The following ZNF778 variants were observed in gnomAD, a reference collection of about 807,000 sequenced individuals.
The protein encoded by ZNF778 is zinc finger protein 778.
ZNF778 carries 37 observed loss-of-function variants against 23.9 expected under a neutral mutation model. The ratio of observed to expected loss-of-function variants is 1.54; its 90% CI spans 1.19 to 2.03. The LOEUF is 2.03. Ranked by LOEUF, ZNF778 falls within the 30% of genes most tolerant of loss-of-function variation. The pLI, the probability that ZNF778 is intolerant of heterozygous loss-of-function variation, is 0.00. For synonymous variants in ZNF778, 483 were observed against 343.9 expected (o/e 1.40, Z -4.48); for missense variants, 1,297 against 934.4 (o/e 1.39, Z -5.06).
chr16:89,233,848 T>A lies in ZNF778; in HGVS notation c.*5286T>A. ...GTTGCAAGTACTTATTTCCGGCCAC[T>A]TCCTTTTTCTAACTACCACACCAAG... On this transcript the variant is annotated 3_prime_UTR_variant, in exon 7 of 7. Coordinates refer to ENST00000433976, the MANE Select transcript of ZNF778 (RefSeq NM_001201407.2). The A allele has an allele frequency of 7.8e-7, 1 of 1,290,214 alleles. No individual in the cohort carries two copies. The highest frequency in any genetic ancestry group is 1.0e-6 in the Non-Finnish European group (1 of 989,384). The allele number at this position is 1,290,214 out of a possible 1,614,324, so 79.9% of individuals were successfully genotyped here.
intron 1 of ZNF778, among the ~76,000 whole-genome samples, chr16:89,219,181 C>T (rs2030670676): frequency 6.7e-6 from 1 of 149,770 alleles, no homozygotes; most frequent in African/African-American, 2.5e-5. Context: ...GGATTCTCAA[C>T]ATTTTTCCAA....
chr16:89,232,854 A>G lies in ZNF778; in HGVS notation c.*4292A>G. On this transcript the variant is annotated 3_prime_UTR_variant, in exon 7 of 7. Transcript: ENST00000433976. The stretch of plus-strand genomic sequence containing the variant: ...ATATGCAACTCAACTCACACCGTGT[A>G]TGCAAATCAACTCGCACTGCGTATG... 1 of 1,289,132 alleles carries G rather than the reference A, an allele frequency of 7.8e-7. No individual in the cohort carries two copies. Among genetic ancestry groups the G allele is most frequent in the South Asian group, 1.2e-5 (1 of 80,976 alleles). The allele number at this position is 1,289,132 out of a possible 1,614,324, so 79.9% of individuals were successfully genotyped here.
Position 89,227,485 on chromosome 16 carries a change from A to G in ZNF778, c.1197A>G (p.Gly399=), listed in dbSNP as rs192620319. The G allele has an allele frequency of 3.1e-6, 5 of 1,613,346 alleles. No homozygotes were observed. The East Asian group carries it at 6.7e-5, about 22-fold the overall frequency. ...AGCCCTTTGCATGTGTGGTTTGCGG[A>G]AAATATTTTAGAAATTCCTCATGCC... ...REKPFACVVC[G]KYFRNSSCLN... is the part of the protein sequence containing the mutation. The change falls in exon 7 of 7, where the codon GGA becomes GGG. Residue 399 remains glycine (G), a synonymous_variant. Transcript: ENST00000433976.
Position 89,221,167 on chromosome 16 carries a change from G to T in ZNF778, c.25+15G>T. 6.4e-7 allele frequency: 1 copy of T among 1,556,334 alleles called. No individual in the cohort carries two copies. ...CCTGGCCCACGGTAAGTCCTGGTGG[G>T]GCTCCTTCTCAGAGCCTCTGCTCTA... On this transcript the variant is annotated intron_variant, in intron 2 of 6. Transcript: ENST00000433976.
intron 3 of ZNF778, 123 bp from the exon 4 acceptor site, chr16:89,223,033 TG>T: frequency 8.3e-7 from 1 of 1,204,240 alleles, no homozygotes; most frequent in Non-Finnish European, 1.1e-6. Flanking sequence ...CTGGGACCAC[TG>T]GGCCATGGGG....
chr16:89,227,853 A>G lies in ZNF778; in HGVS notation c.1565A>G (p.Lys522Arg). ...KAFTGRSGLT[K>R]HMRTHTGEKP... Reference sequence around the variant, plus strand: ...TTCACAGGGCGCTCAGGCCTCACTAAACACATGCGGACACACACCGGGGAG... The same window carrying G: ...TTCACAGGGCGCTCAGGCCTCACTAGACACATGCGGACACACACCGGGGAG... The change falls in exon 7 of 7, where the codon AAA becomes AGA. Residue 522 changes from lysine (K) to arginine (R), a missense_variant. By Grantham distance (26) the Lys-to-Arg change is conservative (BLOSUM62 2). Transcript: ENST00000433976. The G allele has an allele frequency of 6.2e-7, 1 of 1,614,074 alleles. No individual in the cohort carries two copies. Among genetic ancestry groups the G allele is most frequent in the Non-Finnish European group, 8.5e-7 (1 of 1,180,000 alleles).
In ZNF778 at chr16:89,221,136, C is replaced by A. The variant is rs781161459; in HGVS notation, c.9C>A (p.Ala3=). The change falls in exon 2 of 7, where the codon GCC becomes GCA. Residue 3 remains alanine, a synonymous_variant. Transcript: ENST00000433976. MA[A]PDLAHGGHVS... ...TCCGTCAGCCTCCCAGGATGGCAGC[C>A]CCTGACCTGGCCCACGGTAAGTCCT... 5 of 1,567,538 alleles carry A rather than the reference C, an allele frequency of 3.2e-6. No individual in the cohort carries two copies. Among genetic ancestry groups the A allele is most frequent in the South Asian group, 1.2e-5 (1 of 85,074 alleles).
In ZNF778 at chr16:89,228,369, T is replaced by A. The variant is rs1185117404; in HGVS notation, c.2081T>A (p.Ile694Asn). Residue 694 changes from isoleucine (I) to asparagine (N), a missense_variant, in exon 7 of 7, where the codon ATT (isoleucine) becomes AAT (asparagine). Physicochemically the swap from Ile to Asn is moderately radical, Grantham distance 149 (BLOSUM62 -3). Coordinates refer to ENST00000433976, the MANE Select transcript of ZNF778 (RefSeq NM_001201407.2). ...ASSHLHKHGR[I>N]HTGQKPYKCK... ...TCTCACCTGCATAAACATGGAAGAATTCACACTGGGCAGAAACCCTATAAA... is the reference window on the plus strand; with the variant it reads ...TCTCACCTGCATAAACATGGAAGAAATCACACTGGGCAGAAACCCTATAAA... 4 of 1,613,512 alleles carry A rather than the reference T, an allele frequency of 2.5e-6. No individual in the cohort carries two copies. Among genetic ancestry groups the A allele is most frequent in the Non-Finnish European group, 3.4e-6 (4 of 1,179,732 alleles).
rs74488981 is a variant in ZNF778, at chr16:89,233,046, G to C, written c.*4484G>C. 23 of 1,258,586 alleles carry C rather than the reference G, an allele frequency of 1.8e-5. 1 individual carries two copies. The African/African-American group carries it at 3.8e-4, about 21-fold the overall frequency. The allele number at this position is 1,258,586 out of a possible 1,614,324, so 78.0% of individuals were successfully genotyped here. ...CAAGTCGCACTGCGTATGCAACTCA[G>C]CTCGCTCTGCGTATGCAACTCAGCT... On this transcript the variant is annotated 3_prime_UTR_variant, in exon 7 of 7. Coordinates refer to ENST00000433976, the MANE Select transcript of ZNF778 (RefSeq NM_001201407.2).
rs1255172271 is a variant in ZNF778 at position 89,232,705 on chromosome 16, C to G, written c.*4143C>G. 2.4e-6 allele frequency: 3 copies of G among 1,265,794 alleles called. No homozygotes were observed. Among genetic ancestry groups the G allele is most frequent in the Non-Finnish European group, 3.1e-6 (3 of 974,136 alleles). 78.4% of individuals were successfully genotyped at this position (1,265,794 alleles called of 1,614,324 possible). A position where few individuals can be genotyped will look rare whatever the true frequency, so the allele number is the denominator to read the frequency against. On this transcript the variant is annotated 3_prime_UTR_variant, in exon 7 of 7. Coordinates refer to ENST00000433976, the MANE Select transcript of ZNF778 (RefSeq NM_001201407.2). Reference sequence around the variant, plus strand: ...GGTCTTGCTGTGGGGGCTAGACCGTCCCTCTCAGGCTAGATCATTCCTAAA... The same window carrying G: ...GGTCTTGCTGTGGGGGCTAGACCGTGCCTCTCAGGCTAGATCATTCCTAAA...
In ZNF778 at chr16:89,232,966, T is replaced by G; in HGVS notation, c.*4404T>G. 2 of 1,264,076 alleles carry G rather than the reference T, an allele frequency of 1.6e-6. No homozygotes were observed. Among genetic ancestry groups the G allele is most frequent in the Admixed American group, 2.4e-5 (1 of 41,568 alleles). The allele number at this position is 1,264,076 out of a possible 1,614,324, so 78.3% of individuals were successfully genotyped here. A position where few individuals can be genotyped will look rare whatever the true frequency, so the allele number is the denominator to read the frequency against. ...CCTATGCAACTCAGCTCGCTCTGCG[T>G]ATGCAACTGAGCTCGCTCTGCGTAT... On this transcript the variant is annotated 3_prime_UTR_variant, in exon 7 of 7. Transcript: ENST00000433976.
chr16:89,222,370 CT>C (rs869288841), intron 3 of ZNF778, among the ~76,000 whole-genome samples, 187 bp downstream of exon 3: 35 of 148,104 alleles, frequency 2.4e-4, no homozygotes, highest in African/African-American at 2.9e-4. Context: ...TTCAGTGTTA[CT>C]TTTTTTTTTT....
intron 5 of ZNF778, among the ~76,000 whole-genome samples, chr16:89,225,169 G>T (rs1186608241): frequency 7.9e-6 from 1 of 125,938 alleles, no homozygotes; most frequent in South Asian, 2.8e-4. Context: ...AGGCTGGAGT[G>T]CAGTGGCACA....
Position 89,232,730 on chromosome 16 carries a change from A to G in ZNF778, c.*4168A>G, listed in dbSNP as rs2031990020. On this transcript the variant is annotated 3_prime_UTR_variant, in exon 7 of 7. Coordinates refer to ENST00000433976, the MANE Select transcript of ZNF778 (RefSeq NM_001201407.2). ...CCCTCTCAGGCTAGATCATTCCTAA[A>G]GATGGTAAACAACTTGCTGGAAACA... 7.8e-7 allele frequency: 1 copy of G among 1,281,272 alleles called. No individual in the cohort carries two copies. Among genetic ancestry groups the G allele is most frequent in the Non-Finnish European group, 1.0e-6 (1 of 983,230 alleles). The allele number at this position is 1,281,272 out of a possible 1,614,324, so 79.4% of individuals were successfully genotyped here.
rs2032009106 is a variant in ZNF778, at chr16:89,232,880, C to T, written c.*4318C>T. 1 of 1,214,248 alleles carries T rather than the reference C, an allele frequency of 8.2e-7. No homozygotes were observed. Among genetic ancestry groups the T allele is most frequent in the Non-Finnish European group, 1.0e-6 (1 of 956,852 alleles). The allele number at this position is 1,214,248 out of a possible 1,614,324, so 75.2% of individuals were successfully genotyped here. A position where few individuals can be genotyped will look rare whatever the true frequency, so the allele number is the denominator to read the frequency against. On this transcript the variant is annotated 3_prime_UTR_variant, in exon 7 of 7. Coordinates refer to ENST00000433976, the MANE Select transcript of ZNF778 (RefSeq NM_001201407.2). ...TGCAAATCAACTCGCACTGCGTATG[C>T]AACTCAACTCGCACTGCGTATGCAA... is the stretch of plus-strand genomic sequence containing the variant.
rs1418387170 is a variant in ZNF778, at chr16:89,235,441, C to G, written c.*6879C>G. 2 of 152,176 alleles carry G rather than the reference C, an allele frequency of 1.3e-5. No individual in the cohort carries two copies. Among genetic ancestry groups the G allele is most frequent in the Admixed American group, 1.3e-4 (2 of 15,268 alleles). The allele number at this position is 152,176 out of a possible 1,614,324, so 9.4% of individuals were successfully genotyped here. ...TGAGGTTGACCACTCTGTAGGTGGACGAGCCTCGCCCGAGAAGAGACATGA... is the reference window on the plus strand; with the variant it reads ...TGAGGTTGACCACTCTGTAGGTGGAGGAGCCTCGCCCGAGAAGAGACATGA... On this transcript the variant is annotated 3_prime_UTR_variant, in exon 7 of 7. Coordinates refer to ENST00000433976, the MANE Select transcript of ZNF778 (RefSeq NM_001201407.2).
chr16:89,218,336 C>CT (rs1567493027), intron 1 of ZNF778: 1 of 152,334 alleles, frequency 6.6e-6, no homozygotes, highest in East Asian at 1.9e-4. Context: ...TGTTTTCTCT[C>CT]TCCCCCAATA....
Position 89,221,125 on chromosome 16 carries a change from A to G in ZNF778, c.-3A>G. Reference sequence around the variant, plus strand: ...ATTCAGACGCTTCCGTCAGCCTCCCAGGATGGCAGCCCCTGACCTGGCCCA... The same window carrying G: ...ATTCAGACGCTTCCGTCAGCCTCCCGGGATGGCAGCCCCTGACCTGGCCCA... On this transcript the variant is annotated 5_prime_UTR_variant, in exon 2 of 7. Coordinates refer to ENST00000433976, the MANE Select transcript of ZNF778 (RefSeq NM_001201407.2). The G allele has an allele frequency of 6.4e-7, 1 of 1,568,242 alleles. No individual in the cohort carries two copies. Among genetic ancestry groups the G allele is most frequent in the South Asian group, 1.2e-5 (1 of 85,184 alleles).
intron 1 of ZNF778, among the ~76,000 whole-genome samples, chr16:89,219,683 C>T (rs2030727793): frequency 6.6e-6 from 1 of 152,246 alleles, no homozygotes; most frequent in African/African-American, 2.4e-5. Context: ...AGTGGGTCTG[C>T]TGGGTCCTTT....
Sources: gnomAD v4.1 joint callset for allele counts (sites outside exome capture counted in the v4.1 genomes callset) on GRCh38, gnomAD v4.1.1 for gene constraint, MANE v1.5 for transcripts, NCBI Gene and HGNC (gene_info 2026-07-23, HGNC 2026-07-21) for gene names.